ABCA13: variants seen among roughly 807,000 people sequenced by gnomAD.
ABCA13 encodes ATP binding cassette subfamily A member 13.
A neutral mutation model predicts 478.7 loss-of-function variants in ABCA13; 476 were observed. The ratio of observed to expected loss-of-function variants is 0.99; its 90% CI spans 0.92 to 1.07. The LOEUF is 1.07. Among genes scored for constraint, ABCA13 ranks in the 50% least tolerant of loss-of-function variants. The pLI, the probability that ABCA13 is intolerant of heterozygous loss-of-function variation, is 0.00. For missense variants in ABCA13, 6,060 were observed against 5,910.6 expected (o/e 1.03, Z -0.83); for synonymous variants, 2,252 against 2,158.9 (o/e 1.04, Z -1.20).
chr7:48,511,102 G>A lies in ABCA13; in HGVS notation c.13543G>A (p.Val4515Ile), dbSNP rs767565751. 3.7e-5 allele frequency: 60 copies of A among 1,613,272 alleles called. No individual in the cohort carries two copies. Among genetic ancestry groups the A allele is most frequent in the Non-Finnish European group, 4.5e-5 (53 of 1,179,590 alleles). ...LYDMLFYLVS[V>I]CLCVAVIVAF... Reference sequence around the variant, plus strand: ...TTCTCAGCTCTTTTACTTGGTTTCCGTCTGCCTGTGTGTTGCCGTTATTGT... The same window carrying A: ...TTCTCAGCTCTTTTACTTGGTTTCCATCTGCCTGTGTGTTGCCGTTATTGT... Residue 4515 changes from valine to isoleucine, a missense_variant, in exon 51 of 62, where the codon GTC becomes ATC. Val to Ile is a conservative substitution (Grantham distance 29). This residue lies in a region of ABCA13 where 1,627 missense variants were observed against 1,571.0 expected (regional missense o/e 1.04). Transcript: ENST00000435803.
intron 48 of ABCA13, among the ~76,000 whole-genome samples, chr7:48,496,880 G>T (rs1370754925): frequency 6.6e-6 from 1 of 151,700 alleles, no homozygotes; most frequent in African/African-American, 2.4e-5. Flanking sequence ...TTAGTTTCTA[G>T]AAATTTAATT....
At chr7:48,548,998 TATAGCC>T (rs1785070951) in intron 55 of ABCA13, among the ~76,000 whole-genome samples, 1 of 151,764 alleles carries the variant, frequency 6.6e-6, no homozygotes, top group South Asian at 2.1e-4. Context: ...CTGGTAAACC[TATAGCC>T]AGACAACTCT....
intron 59 of ABCA13, among the ~76,000 whole-genome samples, chr7:48,625,241 T>C (rs1256669146): frequency 6.6e-6 from 1 of 152,216 alleles, no homozygotes; most frequent in Non-Finnish European, 1.5e-5. Context: ...CTATAAACCA[T>C]TACTATAATC....
chr7:48,276,188 T>C lies in ABCA13; in HGVS notation c.6522T>C (p.Asn2174=). 1 of 1,589,064 alleles carries C rather than the reference T, an allele frequency of 6.3e-7. No individual in the cohort carries two copies. The highest frequency in any genetic ancestry group is 8.6e-7 in the Non-Finnish European group (1 of 1,167,712). ...AIATFWGSLK[N]ISRAGNFDVA... ...CTACTTTTTGGGGCTCTTTAAAAAA[T>C]ATATCTAGAGCAGGCAATTTTGATG... The change falls in exon 17 of 62, where the codon AAT becomes AAC. Residue 2174 remains asparagine (N), a synonymous_variant. Coordinates refer to ENST00000435803, the MANE Select transcript of ABCA13 (RefSeq NM_152701.5).
chr7:48,596,802 A>G (rs1306815569), intron 58 of ABCA13, among the ~76,000 whole-genome samples: 2 of 151,756 alleles, frequency 1.3e-5, no homozygotes, highest in Admixed American at 1.3e-4. Context: ...CGTCTCAAAA[A>G]CAACAACCAC....
chr7:48,300,170 C>T (rs971069711), intron 23 of ABCA13, among the ~76,000 whole-genome samples: 11 of 152,196 alleles, frequency 7.2e-5, no homozygotes, highest in African/African-American at 2.4e-4. Flanking sequence ...TATCTTTCTT[C>T]CTGGGTTTCT....
At chr7:48,427,939 T>A in intron 42 of ABCA13, 68 bp downstream of exon 42, 1 of 1,116,084 alleles carries the variant, frequency 9.0e-7, no homozygotes, top group Non-Finnish European at 1.3e-6. Context: ...TCAACATCCC[T>A]TGTTTTAAAA....
At chr7:48,355,483 G>A (rs1267492364) in intron 31 of ABCA13, among the ~76,000 whole-genome samples, 3 of 151,980 alleles carry the variant, frequency 2.0e-5, no homozygotes, top group African/African-American at 7.3e-5. Flanking sequence ...AAAGACTGCT[G>A]GAGAGTTTCG....
chr7:48,560,398 G>T (rs1745923578), intron 55 of ABCA13, among the ~76,000 whole-genome samples: 1 of 152,166 alleles, frequency 6.6e-6, no homozygotes, highest in Admixed American at 6.5e-5. Flanking sequence ...GCAGGGGTAT[G>T]GGGGAGGGAT....
chr7:48,193,676 AGAT>A (rs1340735776), intron 2 of ABCA13, among the ~76,000 whole-genome samples: 6 of 147,652 alleles, frequency 4.1e-5, no homozygotes, highest in African/African-American at 1.3e-4. Context: ...ATGATGATGG[AGAT>A]GATGATAGTG....
chr7:48,360,824 TA>T (rs1257817913), intron 31 of ABCA13, among the ~76,000 whole-genome samples: 1 of 151,940 alleles, frequency 6.6e-6, no homozygotes, highest in Non-Finnish European at 1.5e-5. Flanking sequence ...ACATATGTAG[TA>T]GGGAAAGATG....
intron 58 of ABCA13, among the ~76,000 whole-genome samples, chr7:48,602,855 C>T (rs1791056476): frequency 6.6e-6 from 1 of 151,984 alleles, no homozygotes. Flanking sequence ...TCTTCCTATC[C>T]ATGAGCATGG....
chr7:48,201,276 G>A (rs553266238), intron 3 of ABCA13, among the ~76,000 whole-genome samples: 96 of 152,286 alleles, frequency 6.3e-4, no homozygotes, highest in African/African-American at 2.2e-3. Context: ...GGGTGGGAGC[G>A]GGTTTCAGGA....
intron 24 of ABCA13, among the ~76,000 whole-genome samples, 167 bp from the exon 25 acceptor site, chr7:48,312,900 A>G (rs1173869689): frequency 1.3e-5 from 2 of 152,266 alleles, no homozygotes; most frequent in African/African-American, 2.4e-5. Context: ...CATGAGCTAT[A>G]TATACTCTAA....
intron 45 of ABCA13, among the ~76,000 whole-genome samples, chr7:48,477,564 A>C (rs966415170): frequency 4.6e-5 from 7 of 152,122 alleles, no homozygotes; most frequent in African/African-American, 1.7e-4. Flanking sequence ...GCAGCCATAA[A>C]AAATAATGAG....
chr7:48,591,789 G>A (rs1162375731), intron 57 of ABCA13, among the ~76,000 whole-genome samples: 2 of 151,834 alleles, frequency 1.3e-5, no homozygotes, highest in Non-Finnish European at 2.9e-5. Flanking sequence ...TTTTATGGAA[G>A]CACTATTGAT....
chr7:48,222,153 G>T (rs1014697523), intron 5 of ABCA13, among the ~76,000 whole-genome samples: 1 of 152,156 alleles, frequency 6.6e-6, no homozygotes, highest in Non-Finnish European at 1.5e-5. Context: ...ATTAAATAAT[G>T]ACACTAGCAA....
At chr7:48,602,404 G>T (rs1338090405) in intron 58 of ABCA13, among the ~76,000 whole-genome samples, 1 of 152,070 alleles carries the variant, frequency 6.6e-6, no homozygotes, top group Non-Finnish European at 1.5e-5. Context: ...TTTCCTATAA[G>T]GTGTAAGGAA....
intron 7 of ABCA13, among the ~76,000 whole-genome samples, chr7:48,232,416 A>ATG (rs1265080324): frequency 2.0e-5 from 3 of 152,146 alleles, no homozygotes; most frequent in African/African-American, 7.2e-5. Flanking sequence ...ACCGTTAAGA[A>ATG]TGTAATTAAA....
Sources: gnomAD v4.1 joint callset for allele counts (sites outside exome capture counted in the v4.1 genomes callset) on GRCh38, gnomAD v4.1.1 for gene constraint, gnomAD v4.1.1 regional missense constraint, MANE v1.5 for transcripts, NCBI Gene and HGNC (gene_info 2026-07-23, HGNC 2026-07-21) for gene names.